MEGF6: variants seen among roughly 807,000 people sequenced by gnomAD.
The protein encoded by MEGF6 is multiple epidermal growth factor-like domains protein 6.
Under a neutral mutation model 207.1 loss-of-function variants are expected in MEGF6, and 184 were observed. The ratio of observed to expected loss-of-function variants is 0.89; its 90% CI spans 0.79 to 1.00. The LOEUF is 1.00. Among genes scored for constraint, MEGF6 ranks in the 50% least tolerant of loss-of-function variants. MEGF6 has a pLI of 0.00. For missense variants in MEGF6, 2,282 were observed against 2,202.9 expected (o/e 1.04, Z -0.72); for synonymous variants, 1,038 against 910.0 (o/e 1.14, Z -2.53).
chr1:3,562,290 C>T (rs545036271), intron 4 of MEGF6, among the ~76,000 whole-genome samples: 3 of 152,312 alleles, frequency 2.0e-5, no homozygotes, highest in South Asian at 4.1e-4. Context: ...CTCTTCATCC[C>T]GGTCCCTCGC....
In MEGF6 at chr1:3,490,420, G is replaced by T. The variant is rs1640303221; in HGVS notation, c.*108C>A. ...GCCCTCCACGGCCCTCAAAGGAAGG[G>T]CAGTACCAGGAGCTCTGGGCCCGTG... On this transcript the variant is annotated 3_prime_UTR_variant, in exon 37 of 37. Coordinates refer to ENST00000356575, the MANE Select transcript of MEGF6 (RefSeq NM_001409.4). The T allele has an allele frequency of 8.1e-7, 1 of 1,234,786 alleles. No individual in the cohort carries two copies. Among genetic ancestry groups the T allele is most frequent in the Non-Finnish European group, 1.2e-6 (1 of 869,538 alleles). The allele number at this position is 1,234,786 out of a possible 1,614,324, so 76.5% of individuals were successfully genotyped here. A position where few individuals can be genotyped will look rare whatever the true frequency, so the allele number is the denominator to read the frequency against.
chr1:3,514,780 T>A, intron 6 of MEGF6, 108 bp from the exon 7 acceptor site: 1 of 1,276,774 alleles, frequency 7.8e-7, no homozygotes, highest in Non-Finnish European at 1.1e-6. Flanking sequence ...CTCTCCCCAC[T>A]CTGTGCTCCA....
chr1:3,523,355 C>A (rs1020898975), intron 5 of MEGF6, among the ~76,000 whole-genome samples: 6 of 152,168 alleles, frequency 3.9e-5, no homozygotes, highest in Non-Finnish European at 7.4e-5. Flanking sequence ...CTCTTCACCC[C>A]AGATTCCTGG....
chr1:3,543,912 C>G (rs539817502), intron 4 of MEGF6, among the ~76,000 whole-genome samples: 2 of 152,214 alleles, frequency 1.3e-5, no homozygotes, highest in African/African-American at 2.4e-5. Flanking sequence ...ACGCCCAGCC[C>G]GCGTCAGCCC....
At chr1:3,494,572 C>T (rs374280213) in intron 31 of MEGF6, 41 bp downstream of exon 31, 1 of 1,561,014 alleles carries the variant, frequency 6.4e-7, no homozygotes, top group Non-Finnish European at 8.6e-7. Context: ...AGGGCACCTC[C>T]CTGAGGGGAT....
intron 4 of MEGF6, among the ~76,000 whole-genome samples, chr1:3,533,169 G>C (rs369240859): frequency 9.5e-4 from 145 of 152,316 alleles, no homozygotes; most frequent in African/African-American, 3.3e-3. Context: ...AGGGCTGAGG[G>C]GCCATCCTTG....
Position 3,602,570 on chromosome 1 carries a change from G to A in MEGF6, c.162C>T (p.Thr54=). The stretch of plus-strand genomic sequence containing the variant: ...CGCACGGCTGGCGGCGGCCCACCAG[G>A]GTCAGCTCCTGCTCAGCACACACGT... ...MPHVCAEQEL[T]LVGRRQPCVQ... is the part of the protein sequence containing the mutation. The change falls in exon 2 of 37, where the codon ACC becomes ACT. Residue 54 remains threonine, a synonymous_variant. Transcript: ENST00000356575. The A allele has an allele frequency of 3.7e-6, 6 of 1,612,072 alleles. No homozygotes were observed. Among genetic ancestry groups the A allele is most frequent in the Non-Finnish European group, 4.2e-6 (5 of 1,179,510 alleles).
At chr1:3,618,546 C>A in the MEGF6 span, among the ~76,000 whole-genome samples, 2 of 152,182 alleles carry the variant, frequency 1.3e-5, no homozygotes, top group Admixed American at 6.5e-5. This position sits in a 1 kb window ranked among gnomAD's most constrained non-coding sequence, Gnocchi z 4.7. Context: ...GAGAATGACA[C>A]CCCTGCTACT....
intron 4 of MEGF6, among the ~76,000 whole-genome samples, chr1:3,557,562 C>G (rs1017053196): frequency 6.6e-6 from 1 of 152,230 alleles, no homozygotes; most frequent in Non-Finnish European, 1.5e-5. Context: ...CTGCGGTAGC[C>G]AGAACATTCC....
chr1:3,583,324 A>ACAGCCACCAGACAACGCG (rs1306345999), intron 3 of MEGF6, among the ~76,000 whole-genome samples: 10 of 98,420 alleles, frequency 1.0e-4, no homozygotes, highest in South Asian at 3.7e-4. Context: ...CAGACAACCC[A>ACAGCCACCAGACAACGCG]CAGCCACCAG....
intron 15 of MEGF6, 118 bp downstream of exon 15, chr1:3,505,990 G>T: frequency 7.3e-7 from 1 of 1,367,928 alleles, no homozygotes; most frequent in Non-Finnish European, 9.8e-7. Context: ...ATCCCAGTGG[G>T]TGACCTGGCT....
At chr1:3,493,046 C>A in intron 34 of MEGF6, 1 of 476,878 alleles carries the variant, frequency 2.1e-6, no homozygotes, top group Non-Finnish European at 3.8e-6. Context: ...CCTGCCCCGC[C>A]CCAGGAGGGC....
intron 4 of MEGF6, among the ~76,000 whole-genome samples, chr1:3,540,277 G>A (rs1370038611): frequency 6.6e-6 from 1 of 152,248 alleles, no homozygotes; most frequent in Non-Finnish European, 1.5e-5. Context: ...GCCTCGGACG[G>A]AGCAGGCCTC....
rs570330659 is a variant in MEGF6 at position 3,531,420 on chromosome 1, C to G, written c.482-7174G>C. 2.7e-6 allele frequency: 3 copies of G among 1,127,710 alleles called. No individual in the cohort carries two copies. In the South Asian group the frequency reaches 1.3e-4, roughly 50 times the overall value. 69.9% of individuals were successfully genotyped at this position (1,127,710 alleles called of 1,614,324 possible). A position where few individuals can be genotyped will look rare whatever the true frequency, so the allele number is the denominator to read the frequency against. On this transcript the variant is annotated intron_variant, in intron 4 of 36. Coordinates refer to ENST00000356575, the MANE Select transcript of MEGF6 (RefSeq NM_001409.4). The stretch of plus-strand genomic sequence containing the variant: ...CGCCCGGGAGCCGCTCTGGGCCGGG[C>G]GCGCCCCGCCCCTCGCCTTTAAGTT...
chr1:3,499,976 C>A, intron 21 of MEGF6, 52 bp from the exon 22 acceptor site: 1 of 1,503,786 alleles, frequency 6.6e-7, no homozygotes, highest in Non-Finnish European at 8.9e-7. Flanking sequence ...GGAGCCTGAC[C>A]CAGCCGTGCC....
At chr1:3,595,555 G>T in intron 2 of MEGF6, 108 bp from the exon 3 acceptor site, 2 of 900,380 alleles carry the variant, frequency 2.2e-6, no homozygotes, top group Non-Finnish European at 1.7e-6. Flanking sequence ...GTTCCCGGCG[G>T]CACAGGCTGC....
chr1:3,576,230 G>A (rs559928174), intron 4 of MEGF6, among the ~76,000 whole-genome samples: 29 of 152,322 alleles, frequency 1.9e-4, no homozygotes, highest in South Asian at 4.1e-4. Context: ...CACGGCTCCC[G>A]CTGCTTCTGC....
At chr1:3,516,984 T>C (rs1371120239) in intron 5 of MEGF6, among the ~76,000 whole-genome samples, 1 of 152,192 alleles carries the variant, frequency 6.6e-6, no homozygotes, top group Non-Finnish European at 1.5e-5. Flanking sequence ...CCAGACAAGA[T>C]GGGAGCTGTC....
At chr1:3,580,644 G>GC (rs139714087) in intron 3 of MEGF6, among the ~76,000 whole-genome samples, 2,386 of 152,094 alleles carry the variant, frequency 0.016, 62 homozygotes, top group South Asian at 0.1. Context: ...CACAGCAGGT[G>GC]CCCCCCAGGC....
Sources: allele counts gnomAD v4.1 joint callset (sites outside exome capture counted in the v4.1 genomes callset), GRCh38; gene constraint gnomAD v4.1.1; non-coding constraint Gnocchi (gnomAD v3.1); transcripts MANE v1.5; gene names NCBI Gene and HGNC (gene_info 2026-07-23, HGNC 2026-07-21).